ASTN2: variants seen among roughly 807,000 people sequenced by gnomAD.
The protein encoded by ASTN2 is astrotactin-2.
A neutral mutation model predicts 139.8 loss-of-function variants in ASTN2; 54 were observed. The ratio of observed to expected loss-of-function variants is 0.39; its 90% CI spans 0.31 to 0.48. The LOEUF (loss-of-function observed/expected upper bound fraction) is 0.48, where lower values mean the gene tolerates loss of function less well. ASTN2 is among the 20% of genes least tolerant of loss of function. The probability of loss-of-function intolerance (pLI) is 0.95; values close to 1 mark genes in which losing one functional copy is unlikely to be tolerated. For missense variants in ASTN2, 1,565 were observed against 1,725.1 expected, an observed-to-expected ratio of 0.91 and a Z score of 1.64; for synonymous variants, 756 against 719.5, an observed-to-expected ratio of 1.05 and a Z score of -0.81.
chr9:116,632,967 G>A (rs981394862), intron 17 of ASTN2, among the ~76,000 whole-genome samples: 2 of 152,176 alleles, frequency 1.3e-5, no homozygotes, highest in African/African-American at 2.4e-5. Flanking sequence ...TTGTATGAAC[G>A]CCTGTTGTAT....
intron 16 of ASTN2, among the ~76,000 whole-genome samples, chr9:116,712,166 C>G (rs1053916161): frequency 6.6e-6 from 1 of 152,162 alleles, no homozygotes; most frequent in Non-Finnish European, 1.5e-5. Context: ...TTTTTCTTAT[C>G]TCAGGGACAT....
intron 4 of ASTN2, among the ~76,000 whole-genome samples, chr9:117,117,853 A>G (rs557256909): frequency 1.3e-5 from 2 of 152,292 alleles, no homozygotes; most frequent in East Asian, 3.9e-4. Context: ...TTCTTCAGAC[A>G]TGGCACTCAT....
chr9:117,345,386 C>T (rs1829184357), intron 1 of ASTN2, among the ~76,000 whole-genome samples: 1 of 152,156 alleles, frequency 6.6e-6, no homozygotes, highest in South Asian at 2.1e-4. Flanking sequence ...ATAACCACAG[C>T]TACTTTCTGA....
At chr9:116,986,387 C>T (rs1375654447) in intron 7 of ASTN2, among the ~76,000 whole-genome samples, 1 of 152,106 alleles carries the variant, frequency 6.6e-6, no homozygotes, top group Non-Finnish European at 1.5e-5. Context: ...TGAATCCATC[C>T]TATTTTTTCT....
intron 13 of ASTN2, among the ~76,000 whole-genome samples, chr9:116,742,926 G>A (rs1394080302): frequency 6.6e-6 from 1 of 152,190 alleles, no homozygotes; most frequent in East Asian, 1.9e-4. Context: ...CATTGGCTGT[G>A]TGTTCCAACA....
intron 3 of ASTN2, among the ~76,000 whole-genome samples, chr9:117,150,139 A>C (rs979513214): frequency 1.3e-5 from 2 of 152,164 alleles, no homozygotes; most frequent in African/African-American, 4.8e-5. Context: ...TCTGTTAAAA[A>C]CACAATACCT....
intron 11 of ASTN2, among the ~76,000 whole-genome samples, chr9:116,830,513 C>T (rs1179395452): frequency 6.6e-6 from 1 of 151,776 alleles, no homozygotes; most frequent in Non-Finnish European, 1.5e-5. Context: ...TACATTAGGT[C>T]GGTCACGGTG....
chr9:117,389,041 G>T (rs889918213), intron 1 of ASTN2, among the ~76,000 whole-genome samples: 1 of 152,176 alleles, frequency 6.6e-6, no homozygotes, highest in Non-Finnish European at 1.5e-5. Context: ...AATAGTATGC[G>T]TGTGCCTTTC....
intron 16 of ASTN2, among the ~76,000 whole-genome samples, chr9:116,673,422 A>G (rs1308667677): frequency 6.6e-6 from 1 of 152,248 alleles, no homozygotes; most frequent in Non-Finnish European, 1.5e-5. Flanking sequence ...AACAATATTA[A>G]GCTCAAAGGG....
intron 10 of ASTN2, among the ~76,000 whole-genome samples, chr9:116,934,467 T>C (rs1009941043): frequency 6.6e-6 from 1 of 152,188 alleles, no homozygotes; most frequent in African/African-American, 2.4e-5. Flanking sequence ...ACCTAAGTGA[T>C]GGCCCTATAG....
intron 10 of ASTN2, among the ~76,000 whole-genome samples, chr9:116,943,736 G>T (rs1016779447): frequency 1.3e-5 from 2 of 152,170 alleles, no homozygotes; most frequent in African/African-American, 4.8e-5. Context: ...GCAGTGTCTT[G>T]TGCCTTAAAT....
Position 117,383,430 on chromosome 9 carries a change from A to G in ASTN2, c.442+31067T>C, listed in dbSNP as rs78249763. On this transcript the variant is annotated intron_variant, in intron 1 of 22. Coordinates refer to ENST00000313400, the MANE Select transcript of ASTN2 (RefSeq NM_001365068.1). ...AATGTTCTCAGTTACATGAATATATACATTTGTCAAAACTCACTGAAATGT... is the reference window on the plus strand; with the variant it reads ...AATGTTCTCAGTTACATGAATATATGCATTTGTCAAAACTCACTGAAATGT... Among the ~76,000 whole-genome samples, 902 of 152,344 alleles carry G rather than the reference A, an allele frequency of 5.9e-3. 8 individuals are homozygous for G. Among genetic ancestry groups the G allele is most frequent in the African/African-American group, 0.02 (848 of 41,568 alleles).
chr9:116,427,907 A>G (rs1261779941), intron 22 of ASTN2, among the ~76,000 whole-genome samples: 1 of 152,212 alleles, frequency 6.6e-6, no homozygotes, highest in Non-Finnish European at 1.5e-5. Context: ...TTCTTTAATA[A>G]TTCTGTGTCC....
chr9:117,000,718 T>C (rs1837170091), intron 7 of ASTN2, among the ~76,000 whole-genome samples: 1 of 152,172 alleles, frequency 6.6e-6, no homozygotes, highest in Admixed American at 6.5e-5. Flanking sequence ...CACTAGCCAC[T>C]TTTTTGCCTT....
intron 10 of ASTN2, among the ~76,000 whole-genome samples, chr9:116,964,216 G>GGGGTGTGTGTGTGT (rs1361325702): frequency 1.4e-5 from 2 of 140,708 alleles, no homozygotes; most frequent in Non-Finnish European, 1.5e-5. Context: ...ACTGCCCTGG[G>GGGGTGTGTGTGTGT]GTGTGTGTGT....
At chr9:117,172,897 TG>T (rs1830827622) in intron 3 of ASTN2, among the ~76,000 whole-genome samples, 1 of 152,118 alleles carries the variant, frequency 6.6e-6, no homozygotes. Flanking sequence ...GGCCACCCCT[TG>T]GGTCCCTTAC....
intron 11 of ASTN2, among the ~76,000 whole-genome samples, chr9:116,847,983 T>C (rs1239828755): frequency 6.6e-6 from 1 of 152,220 alleles, no homozygotes; most frequent in Non-Finnish European, 1.5e-5. Flanking sequence ...CTGTACCCTC[T>C]GGGCTGATGG....
At chr9:116,992,682 G>C (rs1303573619) in intron 7 of ASTN2, among the ~76,000 whole-genome samples, 1 of 152,062 alleles carries the variant, frequency 6.6e-6, no homozygotes, top group Non-Finnish European at 1.5e-5. Context: ...CCTATCTTTA[G>C]AGATGGTATA....
At position 116,729,040 on chromosome 9, in the gene ASTN2, G is replaced by A. The variant is rs751235093; in HGVS notation, c.2578C>T (p.Arg860Trp). 20 of 1,576,738 alleles carry A rather than the reference G, an allele frequency of 1.3e-5. No individual in the cohort carries two copies. The highest frequency in any genetic ancestry group is 5.5e-5 in the Admixed American group (3 of 54,868). Residue 860 changes from arginine to tryptophan, a missense_variant, in exon 15 of 23, where the codon CGG becomes TGG. Arg to Trp is a moderately radical substitution (Grantham distance 101, BLOSUM62 -3). This residue lies in a region of ASTN2 where 503 missense variants were observed against 591.7 expected (regional missense o/e 0.85). Coordinates refer to ENST00000313400, the MANE Select transcript of ASTN2 (RefSeq NM_001365068.1). ...GYPMVQQWRVRSNLYRVKLST... is the reference protein window; with the variant it reads ...GYPMVQQWRVWSNLYRVKLST... ...AGCTTCACACGGTAGAGGTTGCTCC[G>A]GACCCGCCACTGCTGCACCATGGGG...
Sources: allele counts gnomAD v4.1 joint callset (sites outside exome capture counted in the v4.1 genomes callset), GRCh38; gene constraint gnomAD v4.1.1; regional missense constraint gnomAD v4.1.1; transcripts MANE v1.5; gene names NCBI Gene and HGNC (gene_info 2026-07-23, HGNC 2026-07-21).